Variants in CTNND2 observed in about 807,000 individuals in gnomAD.
The protein encoded by CTNND2 is catenin delta-2.
A neutral mutation model predicts 144.4 loss-of-function variants in CTNND2; 22 were observed. The observed-to-expected ratio is 0.15, with a 90% CI of 0.11 to 0.22. CTNND2 has a LOEUF of 0.22. Among genes scored for constraint, CTNND2 ranks in the 10% least tolerant of loss-of-function variants. The probability of loss-of-function intolerance (pLI) is 1.00; values close to 1 mark genes in which losing one functional copy is unlikely to be tolerated. For synonymous variants in CTNND2, 751 were observed against 695.6 expected (o/e 1.08, Z -1.25); for missense variants, 1,353 against 1,618.8 (o/e 0.84, Z 2.82).
chr5:11,514,522 C>T (rs965318069), intron 3 of CTNND2, among the ~76,000 whole-genome samples: 3 of 152,160 alleles, frequency 2.0e-5, no homozygotes, highest in Non-Finnish European at 2.9e-5. Context: ...AATTGCACAA[C>T]ACATTTCATG....
chr5:11,711,270 G>C (rs1364495707), intron 2 of CTNND2, among the ~76,000 whole-genome samples: 1 of 151,918 alleles, frequency 6.6e-6, no homozygotes, highest in African/African-American at 2.4e-5. Flanking sequence ...CGGCCGGGCT[G>C]GTCTTGGAAC....
intron 12 of CTNND2, among the ~76,000 whole-genome samples, chr5:11,147,737 C>T (rs1757380830): frequency 6.7e-6 from 1 of 149,660 alleles, no homozygotes; most frequent in East Asian, 2.0e-4. Flanking sequence ...AGAATAGGCC[C>T]AGATAATGTA....
chr5:11,577,151 T>C (rs575609575), intron 2 of CTNND2, among the ~76,000 whole-genome samples: 1 of 152,356 alleles, frequency 6.6e-6, no homozygotes, highest in East Asian at 1.9e-4. Flanking sequence ...AGAATGACAT[T>C]ATCTTCTCAT....
intron 1 of CTNND2, among the ~76,000 whole-genome samples, chr5:11,857,494 C>T (rs533818768): frequency 2.0e-5 from 3 of 152,278 alleles, no homozygotes; most frequent in African/African-American, 2.4e-5. Flanking sequence ...GAGGACAATA[C>T]GATCTGATGA....
At chr5:11,761,549 G>A (rs1418849537) in intron 1 of CTNND2, among the ~76,000 whole-genome samples, 3 of 149,584 alleles carry the variant, frequency 2.0e-5, no homozygotes, top group Non-Finnish European at 2.9e-5. Context: ...CAATCTAATC[G>A]CTTTTTCACC....
intron 20 of CTNND2, among the ~76,000 whole-genome samples, chr5:10,983,443 A>G (rs1342189089): frequency 1.3e-5 from 2 of 152,240 alleles, no homozygotes; most frequent in East Asian, 3.8e-4. Flanking sequence ...GAGAAAGGTC[A>G]GTATAACCTC....
intron 4 of CTNND2, 149 bp from the exon 5 acceptor site, chr5:11,411,801 A>G (rs1761561692): frequency 4.2e-6 from 3 of 711,894 alleles, no homozygotes; most frequent in Non-Finnish European, 6.9e-6. Context: ...TTTTTGGTCA[A>G]CCAACATTAA....
intron 9 of CTNND2, among the ~76,000 whole-genome samples, chr5:11,279,633 T>C (rs1320534287): frequency 6.6e-6 from 1 of 152,178 alleles, no homozygotes; most frequent in Non-Finnish European, 1.5e-5. Context: ...ATTCATCCAT[T>C]GCTATAAAGA....
At chr5:11,793,293 T>G (rs945611691) in intron 1 of CTNND2, among the ~76,000 whole-genome samples, 2 of 152,170 alleles carry the variant, frequency 1.3e-5, no homozygotes, top group African/African-American at 4.8e-5. Flanking sequence ...ATTCTGTTCC[T>G]CTAGTAATTC....
intron 16 of CTNND2, among the ~76,000 whole-genome samples, chr5:11,052,763 C>T (rs1156825221): frequency 1.3e-5 from 2 of 151,956 alleles, no homozygotes; most frequent in Non-Finnish European, 2.9e-5. Flanking sequence ...CCCTGGGCAC[C>T]ATGGAGGACC....
At chr5:11,308,633 T>G (rs1218228157) in intron 9 of CTNND2, among the ~76,000 whole-genome samples, 1 of 152,240 alleles carries the variant, frequency 6.6e-6, no homozygotes, top group Admixed American at 6.5e-5. Flanking sequence ...TAAATGTGTT[T>G]TGGTTTGATT....
intron 2 of CTNND2, among the ~76,000 whole-genome samples, chr5:11,614,768 T>C (rs1002136266): frequency 3.3e-5 from 5 of 152,094 alleles, no homozygotes; most frequent in Non-Finnish European, 4.4e-5. Flanking sequence ...TGGGGTGGCA[T>C]AACATACACT....
At chr5:11,111,241 C>T (rs2149685155) in intron 13 of CTNND2, among the ~76,000 whole-genome samples, 198 bp from the exon 14 acceptor site, 1 of 152,260 alleles carries the variant, frequency 6.6e-6, no homozygotes, top group East Asian at 1.9e-4. Flanking sequence ...ACCTTTTATC[C>T]CCCACAAATA....
At chr5:11,207,776 A>C (rs1291923986) in intron 10 of CTNND2, among the ~76,000 whole-genome samples, 1 of 152,198 alleles carries the variant, frequency 6.6e-6, no homozygotes, top group Non-Finnish European at 1.5e-5. Context: ...ACTCTGAGAA[A>C]ACCTGCCACT....
At chr5:11,229,323 A>G (rs1321721773) in intron 10 of CTNND2, among the ~76,000 whole-genome samples, 2 of 152,350 alleles carry the variant, frequency 1.3e-5, no homozygotes, top group South Asian at 4.1e-4. Flanking sequence ...AGATTAACTT[A>G]AAGTTTTAAA....
intron 9 of CTNND2, among the ~76,000 whole-genome samples, chr5:11,245,247 T>C (rs923503702): frequency 2.4e-4 from 37 of 152,180 alleles, no homozygotes; most frequent in African/African-American, 8.9e-4. Flanking sequence ...TGATAAAGAC[T>C]CTGGTTAGGA....
chr5:11,621,223 A>G (rs926380833), intron 2 of CTNND2, among the ~76,000 whole-genome samples: 1 of 152,266 alleles, frequency 6.6e-6, no homozygotes, highest in African/African-American at 2.4e-5. Context: ...CTTCTTAAAA[A>G]GTAATTTTGT....
chr5:11,699,334 G>C (rs144300376), intron 2 of CTNND2, among the ~76,000 whole-genome samples: 1 of 152,234 alleles, frequency 6.6e-6, no homozygotes, highest in East Asian at 1.9e-4. Flanking sequence ...AATGGAGGTA[G>C]GAATGGCCTA....
At chr5:11,224,056 C>T (rs1400146567) in intron 10 of CTNND2, among the ~76,000 whole-genome samples, 3 of 152,148 alleles carry the variant, frequency 2.0e-5, no homozygotes, top group Non-Finnish European at 4.4e-5. Context: ...CCTTCTTACT[C>T]GGCTTTTCCC....
Sources: allele counts gnomAD v4.1 joint callset (sites outside exome capture counted in the v4.1 genomes callset), GRCh38; gene constraint gnomAD v4.1.1; transcripts MANE v1.5; gene names NCBI Gene and HGNC (gene_info 2026-07-23, HGNC 2026-07-21).